Variants in PCDH15 observed in about 807,000 individuals in gnomAD.
The protein encoded by PCDH15 is protocadherin-15.
PCDH15 carries 129 observed loss-of-function variants against 178.5 expected under a neutral mutation model. The ratio of observed to expected loss-of-function variants is 0.72; its 90% CI spans 0.63 to 0.84. The LOEUF is 0.84. Among genes scored for constraint, PCDH15 ranks in the 40% least tolerant of loss-of-function variants. The pLI is 0.00. For synonymous variants in PCDH15, 800 were observed against 732.0 expected, an observed-to-expected ratio of 1.09 and a Z score of -1.50; for missense variants, 2,230 against 2,099.9, an observed-to-expected ratio of 1.06 and a Z score of -1.21.
At chr10:53,876,349 G>A (rs1024068524) in intron 26 of PCDH15, among the ~76,000 whole-genome samples, 7 of 151,864 alleles carry the variant, frequency 4.6e-5, no homozygotes, top group African/African-American at 7.3e-5. Context: ...CACCAGATCC[G>A]GCTAATTTTT....
rs183701370 is a variant in PCDH15 at position 55,367,455 on chromosome 10, C to T, written c.-155-200804G>A. On this transcript the variant is annotated intron_variant, in intron 2 of 5. Transcript: ENST00000613346. ...AGTTAGTTGGACATGGTGCTGCGTG[C>T]CTGGAGTCCCTGCTACTTGGGAGGC... is the stretch of plus-strand genomic sequence containing the variant. Among the ~76,000 whole-genome samples, 334 of 152,078 alleles carry T rather than the reference C, an allele frequency of 2.2e-3. 2 individuals carry two copies. Among genetic ancestry groups the T allele is most frequent in the African/African-American group, 7.0e-3 (289 of 41,504 alleles).
intron 2 of PCDH15, among the ~76,000 whole-genome samples, chr10:55,560,113 A>C (rs2132097698): frequency 6.6e-6 from 1 of 152,088 alleles, no homozygotes; most frequent in Admixed American, 6.6e-5. Context: ...ATGTCGTATC[A>C]TTTGTAAAAT....
intron 13 of PCDH15, among the ~76,000 whole-genome samples, chr10:54,157,295 T>C (rs2045257294): frequency 2.0e-5 from 3 of 152,244 alleles, no homozygotes; most frequent in African/African-American, 7.2e-5. Flanking sequence ...GGTGTTTCCA[T>C]ACATCCTCTG....
chr10:54,358,819 T>C (rs1405837859), intron 5 of PCDH15, among the ~76,000 whole-genome samples: 2 of 151,826 alleles, frequency 1.3e-5, no homozygotes, highest in African/African-American at 4.8e-5. Context: ...CACCATGGAA[T>C]ACTATGCAGC....
rs1261530829 is a variant in PCDH15, at chr10:54,728,199, T to G, written c.-28-63909A>C. Among the ~76,000 whole-genome samples, 2 of 151,464 alleles carry G rather than the reference T, an allele frequency of 1.3e-5. 1 individual carries two copies. Among genetic ancestry groups the G allele is most frequent in the Non-Finnish European group, 3.0e-5 (2 of 67,664 alleles). On this transcript the variant is annotated intron_variant, in intron 1 of 37. Coordinates refer to ENST00000644397, the MANE Select transcript of PCDH15 (RefSeq NM_001384140.1). Reference sequence around the variant, plus strand: ...AATCCTCAACAAAATACTAGCAAACTGAATCCAGCAGCATATCAAAAAGTT... The same window carrying G: ...AATCCTCAACAAAATACTAGCAAACGGAATCCAGCAGCATATCAAAAAGTT...
chr10:54,330,532 G>A (rs113730926), intron 6 of PCDH15, among the ~76,000 whole-genome samples: 102 of 151,784 alleles, frequency 6.7e-4, no homozygotes, highest in African/African-American at 2.3e-3. Flanking sequence ...GCATGACTGC[G>A]TGAACTTGAA....
At chr10:54,289,833 G>A (rs1015576844) in intron 8 of PCDH15, among the ~76,000 whole-genome samples, 1 of 152,118 alleles carries the variant, frequency 6.6e-6, no homozygotes, top group Non-Finnish European at 1.5e-5. Context: ...AAAGTGAGAA[G>A]AGAAGGTTAG....
chr10:55,094,947 T>TTTTTA (rs1554830275), intron 2 of PCDH15, among the ~76,000 whole-genome samples: 3 of 150,800 alleles, frequency 2.0e-5, no homozygotes, highest in African/African-American at 4.9e-5. Context: ...TTTTTTTTTT[T>TTTTTA]ATCTCACTGT....
intron 13 of PCDH15, among the ~76,000 whole-genome samples, chr10:54,164,567 A>T (rs536579252): frequency 6.6e-6 from 1 of 152,330 alleles, no homozygotes; most frequent in East Asian, 1.9e-4. Context: ...TTGTCTTTCA[A>T]ATGTTAAAGA....
In PCDH15 at chr10:54,742,815, G is replaced by A. The variant is rs139446878; in HGVS notation, c.-29+58110C>T. Among the ~76,000 whole-genome samples, 1,394 of 152,108 alleles carry A rather than the reference G, an allele frequency of 9.2e-3. 11 individuals are homozygous for A. Among genetic ancestry groups the A allele is most frequent in the Non-Finnish European group, 0.013 (916 of 67,936 alleles). On this transcript the variant is annotated intron_variant, in intron 1 of 37. Transcript: ENST00000644397. The stretch of plus-strand genomic sequence containing the variant: ...GCCTGGGGTGAGGGAAGAAGTCTTC[G>A]TCACAAAGAATACATTGCCCAGTAG...
intron 26 of PCDH15, among the ~76,000 whole-genome samples, chr10:53,873,940 G>A (rs1394814571): frequency 6.6e-6 from 1 of 152,120 alleles, no homozygotes; most frequent in Non-Finnish European, 1.5e-5. Flanking sequence ...AACCAGGACG[G>A]CCTCGCTAGG....
intron 3 of PCDH15, among the ~76,000 whole-genome samples, chr10:54,409,656 C>A (rs1403217615): frequency 6.6e-6 from 1 of 152,098 alleles, no homozygotes; most frequent in Non-Finnish European, 1.5e-5. Context: ...ATCTTCTCAT[C>A]TGTTATGACT....
intron 3 of PCDH15, among the ~76,000 whole-genome samples, chr10:54,806,583 G>T (rs547875514): frequency 6.6e-6 from 1 of 150,866 alleles, no homozygotes; most frequent in Non-Finnish European, 1.5e-5. Flanking sequence ...TCCCGGGTTC[G>T]AGCAATTCTC....
chr10:54,111,986 A>C (rs765931822), intron 15 of PCDH15, among the ~76,000 whole-genome samples: 5 of 74,580 alleles, frequency 6.7e-5, no homozygotes, highest in Non-Finnish European at 2.6e-5. Context: ...AAAAAAAAAA[A>C]ACAAAACTTA....
intron 25 of PCDH15, among the ~76,000 whole-genome samples, chr10:53,916,478 T>A (rs1189230478): frequency 6.6e-6 from 1 of 152,012 alleles, no homozygotes; most frequent in African/African-American, 2.4e-5. Context: ...TTCAAACGGA[T>A]ACATTTAAAA....
chr10:55,089,258 T>C (rs1936461), intron 2 of PCDH15, among the ~76,000 whole-genome samples: 12,471 of 152,174 alleles, frequency 0.082, 611 homozygotes, highest in East Asian at 0.23. Flanking sequence ...GGACCTAGTT[T>C]ATAAAATAGT....
chr10:54,710,748 T>G (rs2095420452), intron 1 of PCDH15, among the ~76,000 whole-genome samples: 1 of 151,968 alleles, frequency 6.6e-6, no homozygotes, highest in Admixed American at 6.6e-5. Flanking sequence ...CAATAAAAAA[T>G]ACATAGAGTG....
chr10:55,409,261 C>A (rs955740572), intron 2 of PCDH15, among the ~76,000 whole-genome samples: 1 of 152,090 alleles, frequency 6.6e-6, no homozygotes, highest in Non-Finnish European at 1.5e-5. Context: ...GTGAACCCAC[C>A]AAACCTGCTT....
intron 2 of PCDH15, among the ~76,000 whole-genome samples, chr10:54,572,498 G>C (rs1019237426): frequency 1.3e-5 from 2 of 152,030 alleles, no homozygotes; most frequent in East Asian, 3.9e-4. Flanking sequence ...AAAGGAAAAC[G>C]AAAAGAGAGG....
Sources: allele counts gnomAD v4.1 joint callset (sites outside exome capture counted in the v4.1 genomes callset), GRCh38; gene constraint gnomAD v4.1.1; transcripts MANE v1.5; gene names NCBI Gene and HGNC (gene_info 2026-07-23, HGNC 2026-07-21).